MUC5B: variants seen among roughly 807,000 people sequenced by gnomAD.
MUC5B encodes the protein mucin 5B, oligomeric mucus/gel-forming, also known as mucin-5B.
A neutral mutation model predicts 376.9 loss-of-function variants in MUC5B; 116 were observed. The observed-to-expected ratio is 0.31, with a 90% CI of 0.26 to 0.36. MUC5B has a LOEUF of 0.36. Among genes scored for constraint, MUC5B ranks in the 10% least tolerant of loss-of-function variants. The pLI is 1.00. For missense variants in MUC5B, 7,165 were observed against 7,769.9 expected (o/e 0.92, Z 2.93); for synonymous variants, 3,517 against 3,390.9 (o/e 1.04, Z -1.29).
rs749363329 is a variant in MUC5B at position 1,247,969 on chromosome 11, A to G, written c.11089A>G (p.Thr3697Ala). 6 of 1,610,728 alleles carry G rather than the reference A, an allele frequency of 3.7e-6. No individual in the cohort carries two copies. In the South Asian group the frequency reaches 6.6e-5, roughly 18 times the overall value. Residue 3697 changes from threonine (T) to alanine (A), a missense_variant, in exon 31 of 49, where the codon ACC becomes GCC. Physicochemically the swap from Thr to Ala is moderately conservative, Grantham distance 58 (BLOSUM62 0). This residue lies in a region of MUC5B where 90 missense variants were observed against 71.1 expected (regional missense o/e 1.27). Coordinates refer to ENST00000529681, the MANE Select transcript of MUC5B (RefSeq NM_002458.3). The stretch of plus-strand genomic sequence containing the variant: ...GACGACCTGGATCCTCACAAAGCTG[A>G]CCACAACAGCCACTACGACTGAGTC... ...PGTTWILTKL[T>A]TTATTTESTG...
In MUC5B at chr11:1,242,335, G is replaced by A. The variant is rs757674813; in HGVS notation, c.5455G>A (p.Gly1819Ser). Reference protein sequence around the residue: ...ETFENIRAAGGKMCWAPKSIE... With the variant: ...ETFENIRAAGSKMCWAPKSIE... ...TTTTGAAAACATCAGGGCTGCTGGG[G>A]GCAAGATGTGCTGGGCACCAAAGAG... The change falls in exon 31 of 49, where the codon GGC (glycine) becomes AGC (serine). Residue 1819 changes from glycine to serine, a missense_variant. Transcript: ENST00000529681. The A allele has an allele frequency of 1.3e-5, 21 of 1,613,884 alleles. No homozygotes were observed. Among genetic ancestry groups the A allele is most frequent in the Non-Finnish European group, 1.8e-5 (21 of 1,179,856 alleles).
At position 1,261,686 on chromosome 11, in the gene MUC5B, C is replaced by T. The variant is rs1862998674; in HGVS notation, c.*78C>T. On this transcript the variant is annotated 3_prime_UTR_variant, in exon 49 of 49. Coordinates refer to ENST00000529681, the MANE Select transcript of MUC5B (RefSeq NM_002458.3). ...TTGTCTGATCATGAAAACCTTGGGC[C>T]TCCTCTGCGGAGCCCCCCGGCCTGT... 7.1e-7 allele frequency: 1 copy of T among 1,411,252 alleles called. No individual in the cohort carries two copies. The highest frequency in any genetic ancestry group is 9.7e-7 in the Non-Finnish European group (1 of 1,028,086). The allele number at this position is 1,411,252 out of a possible 1,614,324, so 87.4% of individuals were successfully genotyped here.
chr11:1,238,044 G>A (rs979645597), intron 25 of MUC5B, among the ~76,000 whole-genome samples: 5 of 152,176 alleles, frequency 3.3e-5, no homozygotes, highest in Admixed American at 6.5e-5. Context: ...GTCGGCCGCC[G>A]CTTGCCCTCT....
Position 1,242,201 on chromosome 11 carries a change from A to C in MUC5B, c.5321A>C (p.Asn1774Thr), listed in dbSNP as rs1188666761. Residue 1774 changes from asparagine (N) to threonine (T), a missense_variant, in exon 31 of 49, where the codon AAC becomes ACC. By Grantham distance (65) the Asn-to-Thr change is moderately conservative. Around this residue, in one of 31 missense-constraint regions of MUC5B, gnomAD observed 897 missense variants for 779.6 expected, o/e 1.15. Coordinates refer to ENST00000529681, the MANE Select transcript of MUC5B (RefSeq NM_002458.3). ...GAGACGACAATGAGCCCCTTGACTAACACCACCACCAGCCAGGGCACGACC... is the reference window on the plus strand; with the variant it reads ...GAGACGACAATGAGCCCCTTGACTACCACCACCACCAGCCAGGGCACGACC... ...RTETTMSPLTNTTTSQGTTRC... is the reference protein window; with the variant it reads ...RTETTMSPLTTTTTSQGTTRC... The C allele has an allele frequency of 1.7e-5, 27 of 1,613,396 alleles. No homozygotes were observed. Among genetic ancestry groups the C allele is most frequent in the Non-Finnish European group, 2.2e-5 (26 of 1,179,850 alleles).
Position 1,240,983 on chromosome 11 carries a change from G to A in MUC5B, c.4103G>A (p.Gly1368Glu), listed in dbSNP as rs765109151. ...FETFENLRQR[G>E]YQVCPVLADI... ...ACGTTTGAAAACCTGAGGCAGAGAG[G>A]GTACCAGGTATGCCCTGTGCTGGCT... Residue 1368 changes from glycine to glutamate, a missense_variant, in exon 31 of 49, where the codon GGG becomes GAG. This residue lies in a region of MUC5B where 517 missense variants were observed against 545.3 expected (regional missense o/e 0.95). Transcript: ENST00000529681. 23 of 1,613,304 alleles carry A rather than the reference G, an allele frequency of 1.4e-5. No individual in the cohort carries two copies. The Admixed American group carries it at 2.7e-4, about 19-fold the overall frequency.
intron 32 of MUC5B, 79 bp downstream of exon 32, chr11:1,252,603 T>A: frequency 7.0e-7 from 1 of 1,424,906 alleles, no homozygotes; most frequent in East Asian, 2.5e-5. Context: ...ACAGTCCAGC[T>A]CCCGAGGCCC....
Position 1,249,960 on chromosome 11 carries a change from C to T in MUC5B, c.13080C>T (p.Thr4360=), listed in dbSNP as rs775692138. 1 of 1,612,226 alleles carries T rather than the reference C, an allele frequency of 6.2e-7. No individual in the cohort carries two copies. ...ACCCCTCCTCCACTCCGGAGACCAC[C>T]CACACCTCCACAGTGCTGACCACGA... ...TIHPSSTPET[T]HTSTVLTTKA... Residue 4360 remains threonine (T), a synonymous_variant, in exon 31 of 49, where the codon ACC becomes ACT. Coordinates refer to ENST00000529681, the MANE Select transcript of MUC5B (RefSeq NM_002458.3).
Position 1,248,394 on chromosome 11 carries a change from C to T in MUC5B, c.11514C>T (p.Thr3838=). 2 of 1,612,820 alleles carry T rather than the reference C, an allele frequency of 1.2e-6. No individual in the cohort carries two copies. Among genetic ancestry groups the T allele is most frequent in the South Asian group, 1.1e-5 (1 of 91,024 alleles). The change falls in exon 31 of 49, where the codon ACC becomes ACT. Residue 3838 remains threonine, a synonymous_variant. Coordinates refer to ENST00000529681, the MANE Select transcript of MUC5B (RefSeq NM_002458.3). ...CTGCCCACACCTCCACAGTGCTTAC[C>T]ACCACGGCCACCACAACCAGGGCCA... ...PETAHTSTVL[T]TTATTTRATG...
chr11:1,232,408 T>C, intron 15 of MUC5B, 42 bp from the exon 16 acceptor site: 1 of 1,553,668 alleles, frequency 6.4e-7, no homozygotes. Flanking sequence ...GGGTGTGGGC[T>C]TCGGGGCAGG....
At position 1,246,502 on chromosome 11, in the gene MUC5B, T is replaced by C. The variant is rs1263322162; in HGVS notation, c.9622T>C (p.Ser3208Pro). 1.2e-6 allele frequency: 2 copies of C among 1,612,494 alleles called. No individual in the cohort carries two copies. The highest frequency in any genetic ancestry group is 2.7e-5 in the African/African-American group (2 of 74,436). ...GGCCACCACACCCACAGTCATCAGC[T>C]CCAGAGCCACTCCCTCCTCCAGTCC... Reference protein sequence around the residue: ...STATTPTVISSRATPSSSPGT... With the variant: ...STATTPTVISPRATPSSSPGT... The change falls in exon 31 of 49, where the codon TCC becomes CCC. Residue 3208 changes from serine to proline, a missense_variant. Ser to Pro is a moderately conservative substitution (Grantham distance 74). Around this residue, in one of 31 missense-constraint regions of MUC5B, gnomAD observed 939 missense variants for 770.6 expected, o/e 1.22. Coordinates refer to ENST00000529681, the MANE Select transcript of MUC5B (RefSeq NM_002458.3).
At position 1,247,725 on chromosome 11, in the gene MUC5B, C is replaced by T. The variant is rs2943523; in HGVS notation, c.10845C>T (p.Leu3615=). ...GGAVCEQPLG[L]ECRAQAQPGV... is the part of the protein sequence containing the mutation. ...CAGTCTGTGAGCAGCCCCTGGGCCT[C>T]GAGTGCCGTGCCCAGGCCCAGCCTG... The change falls in exon 31 of 49, where the codon CTC becomes CTT. Residue 3615 remains leucine (L), a synonymous_variant. Coordinates refer to ENST00000529681, the MANE Select transcript of MUC5B (RefSeq NM_002458.3). 0.14 allele frequency: 217,689 copies of T among 1,588,130 alleles called. 23,127 individuals are homozygous for T. Among genetic ancestry groups the T allele is most frequent in the Admixed American group, 0.26 (15,446 of 58,840 alleles).
chr11:1,239,761 G>T, intron 27 of MUC5B, 38 bp from the exon 28 acceptor site: 1 of 1,585,906 alleles, frequency 6.3e-7, no homozygotes, highest in South Asian at 1.1e-5. Context: ...GAGACTAAAG[G>T]GCCCTGGTGA....
At position 1,260,035 on chromosome 11, in the gene MUC5B, C is replaced by A; in HGVS notation, c.16873C>A (p.His5625Asn). The change falls in exon 46 of 49, where the codon CAT (histidine) becomes AAT (asparagine). Residue 5625 changes from histidine (H) to asparagine (N), a missense_variant. Physicochemically the swap from His to Asn is moderately conservative, Grantham distance 68. Coordinates refer to ENST00000529681, the MANE Select transcript of MUC5B (RefSeq NM_002458.3). ...VYLCEAEGGV[H>N]LLTPQPASCP... Reference sequence around the variant, plus strand: ...CCTCTGTGAGGCTGAGGGTGGAGTCCATTTGCTGACCCCACAGCCTGCATC... The same window carrying A: ...CCTCTGTGAGGCTGAGGGTGGAGTCAATTTGCTGACCCCACAGCCTGCATC... 1 of 1,612,766 alleles carries A rather than the reference C, an allele frequency of 6.2e-7. No individual in the cohort carries two copies. The highest frequency in any genetic ancestry group is 8.5e-7 in the Non-Finnish European group (1 of 1,179,756).
In MUC5B at chr11:1,233,075, C is replaced by A. The variant is rs777989569; in HGVS notation, c.2128C>A (p.Pro710Thr). ...CGCCTACGTGGTGGATGCCTGCCAG[C>A]CCACTTGCCGCGGCCTGAGTGAGGC... Reference protein sequence around the residue: ...RYAYVVDACQPTCRGLSEADV... With the variant: ...RYAYVVDACQTTCRGLSEADV... Residue 710 changes from proline (P) to threonine (T), a missense_variant, in exon 18 of 49, where the codon CCC (proline) becomes ACC (threonine). Physicochemically the swap from Pro to Thr is conservative, Grantham distance 38. Transcript: ENST00000529681. The A allele has an allele frequency of 6.2e-7, 1 of 1,606,648 alleles. No individual in the cohort carries two copies. Among genetic ancestry groups the A allele is most frequent in the Non-Finnish European group, 8.5e-7 (1 of 1,179,064 alleles).
Position 1,230,476 on chromosome 11 carries a change from G to T in MUC5B, c.1360-14G>T, listed in dbSNP as rs1324533470. 1.1e-5 allele frequency: 18 copies of T among 1,590,134 alleles called. No individual in the cohort carries two copies. In the Admixed American group the frequency reaches 3.1e-4, roughly 27 times the overall value. ...CGAGCCAGGCCCAATGCACGCGTGG[G>T]TCCTTCTCCCCAGAAATGTGCCGAC... On this transcript the variant is annotated splice_polypyrimidine_tract_variant and intron_variant, in intron 11 of 48. Transcript: ENST00000529681.
At position 1,249,983 on chromosome 11, in the gene MUC5B, C is replaced by T. The variant is rs555257212; in HGVS notation, c.13103C>T (p.Thr4368Met). 8.4e-5 allele frequency: 135 copies of T among 1,610,572 alleles called. 1 individual carries two copies. The highest frequency in any genetic ancestry group is 5.9e-4 in the South Asian group (54 of 90,902). Residue 4368 changes from threonine to methionine, a missense_variant, in exon 31 of 49, where the codon ACG becomes ATG. Thr to Met is a moderately conservative substitution (Grantham distance 81). Coordinates refer to ENST00000529681, the MANE Select transcript of MUC5B (RefSeq NM_002458.3). ...ETTHTSTVLT[T>M]KATTTRATSS... ...ACCCACACCTCCACAGTGCTGACCA[C>T]GAAGGCCACCACGACAAGGGCCACC...
Position 1,248,751 on chromosome 11 carries a change from C to T in MUC5B, c.11871C>T (p.Thr3957=), listed in dbSNP as rs775871178. Residue 3957 remains threonine, a synonymous_variant, in exon 31 of 49, where the codon ACC becomes ACT. Coordinates refer to ENST00000529681, the MANE Select transcript of MUC5B (RefSeq NM_002458.3). ...CCACGGCCACTACGATCACGGCCAC[C>T]GGCTCCACCACCAACCCCTCCTCAA... ...LITTATTITA[T]GSTTNPSSTP... is the part of the protein sequence containing the mutation. 3.8e-5 allele frequency: 59 copies of T among 1,554,170 alleles called. No homozygotes were observed. Among genetic ancestry groups the T allele is most frequent in the African/African-American group, 1.2e-4 (9 of 72,742 alleles).
Position 1,249,995 on chromosome 11 carries a change from C to G in MUC5B, c.13115C>G (p.Thr4372Arg), listed in dbSNP as rs562392113. The change falls in exon 31 of 49, where the codon ACG becomes AGG. Residue 4372 changes from threonine to arginine, a missense_variant. Thr to Arg is a moderately conservative substitution (Grantham distance 71, BLOSUM62 -1). Coordinates refer to ENST00000529681, the MANE Select transcript of MUC5B (RefSeq NM_002458.3). ...ACAGTGCTGACCACGAAGGCCACCACGACAAGGGCCACCAGTTCCACGTCC... is the reference window on the plus strand; with the variant it reads ...ACAGTGCTGACCACGAAGGCCACCAGGACAAGGGCCACCAGTTCCACGTCC... ...TSTVLTTKAT[T>R]TRATSSTSTP... The G allele has an allele frequency of 8.7e-6, 14 of 1,611,660 alleles. 1 individual carries two copies. In the South Asian group the frequency reaches 1.2e-4, roughly 14 times the overall value.
rs556664618 is a variant in MUC5B, at chr11:1,227,431, A to G, written c.667+33A>G. ...CCACCTGGGTGAGGGGGCGGTGACCAATTATGTCGGCCAACGAAGAGCCAC... is the reference window on the plus strand; with the variant it reads ...CCACCTGGGTGAGGGGGCGGTGACCGATTATGTCGGCCAACGAAGAGCCAC... On this transcript the variant is annotated intron_variant, in intron 6 of 48. Transcript: ENST00000529681. The G allele has an allele frequency of 4.7e-5, 72 of 1,526,238 alleles. 1 individual carries two copies. In the South Asian group the frequency reaches 7.2e-4, roughly 15 times the overall value. 94.5% of individuals were successfully genotyped at this position (1,526,238 alleles called of 1,614,324 possible).
Sources: gnomAD v4.1 joint callset for allele counts (sites outside exome capture counted in the v4.1 genomes callset) on GRCh38, gnomAD v4.1.1 for gene constraint, gnomAD v4.1.1 regional missense constraint, MANE v1.5 for transcripts, NCBI Gene and HGNC (gene_info 2026-07-23, HGNC 2026-07-21) for gene names.